The following FAM135B variants were observed in gnomAD, a reference collection of about 807,000 sequenced individuals.
FAM135B encodes protein FAM135B.
FAM135B carries 43 observed loss-of-function variants against 127.7 expected under a neutral mutation model. The observed-to-expected ratio is 0.34, with a 90% confidence interval of 0.26 to 0.43. The LOEUF is 0.43. FAM135B is among the 20% of genes least tolerant of loss of function. FAM135B has a pLI of 1.00. For missense variants in FAM135B, 1,558 were observed against 1,725.6 expected, an observed-to-expected ratio of 0.90 and a Z score of 1.72; for synonymous variants, 670 against 665.1, an observed-to-expected ratio of 1.01 and a Z score of -0.11.
chr8:138,180,081 G>T (rs951046221), intron 9 of FAM135B, among the ~76,000 whole-genome samples: 2 of 152,186 alleles, frequency 1.3e-5, no homozygotes, highest in African/African-American at 4.8e-5. Flanking sequence ...GGACAGAAAT[G>T]CTTTAGATAG....
intron 2 of FAM135B, among the ~76,000 whole-genome samples, chr8:138,315,421 A>C (rs189875038): frequency 6.6e-6 from 1 of 152,320 alleles, no homozygotes; most frequent in Non-Finnish European, 1.5e-5. Context: ...AGGTTACTCA[A>C]AAAAGTAAAA....
At chr8:138,237,026 C>T (rs1820331311) in intron 7 of FAM135B, among the ~76,000 whole-genome samples, 2 of 152,190 alleles carry the variant, frequency 1.3e-5, no homozygotes, top group African/African-American at 2.4e-5. Context: ...TGTCTTCCCA[C>T]CAGGCTGCCA....
At chr8:138,161,707 C>T (rs1202389203) in intron 12 of FAM135B, among the ~76,000 whole-genome samples, 2 of 152,232 alleles carry the variant, frequency 1.3e-5, no homozygotes, top group African/African-American at 2.4e-5. Context: ...TCTTCCTTAC[C>T]AGGGCGCATT....
chr8:138,179,361 G>A (rs888558280), intron 9 of FAM135B, among the ~76,000 whole-genome samples: 4 of 152,170 alleles, frequency 2.6e-5, no homozygotes, highest in African/African-American at 9.7e-5. Flanking sequence ...TATCTCCTAT[G>A]TGTAAGGTAG....
chr8:138,218,229 T>A (rs1818721954), intron 7 of FAM135B, among the ~76,000 whole-genome samples: 1 of 152,320 alleles, frequency 6.6e-6, no homozygotes, highest in Non-Finnish European at 1.5e-5. Context: ...ATAATTCTAC[T>A]TCTATTACTT....
intron 1 of FAM135B, among the ~76,000 whole-genome samples, chr8:138,381,579 T>G (rs1439389301): frequency 6.6e-6 from 1 of 152,124 alleles, no homozygotes; most frequent in African/African-American, 2.4e-5. Flanking sequence ...AGAATAGGTA[T>G]GGAATCACAT....
intron 2 of FAM135B, among the ~76,000 whole-genome samples, chr8:138,336,523 C>G (rs1173350661): frequency 6.6e-6 from 1 of 152,160 alleles, no homozygotes; most frequent in African/African-American, 2.4e-5. Flanking sequence ...TGGATACATT[C>G]CTCGACACAT....
chr8:138,407,220 AAGG>A (rs1458725618), intron 1 of FAM135B, among the ~76,000 whole-genome samples: 2 of 149,954 alleles, frequency 1.3e-5, no homozygotes, highest in Middle Eastern at 3.5e-3. Context: ...GGACCTCTTC[AAGG>A]AGAACTACAA....
chr8:138,147,188 C>T (rs1216057939), intron 14 of FAM135B, among the ~76,000 whole-genome samples: 1 of 151,384 alleles, frequency 6.6e-6, no homozygotes, highest in African/African-American at 2.4e-5. Flanking sequence ...TTATTCATTC[C>T]CTCTTTCATT....
At chr8:138,422,587 G>A (rs1834575546) in intron 1 of FAM135B, among the ~76,000 whole-genome samples, 1 of 151,984 alleles carries the variant, frequency 6.6e-6, no homozygotes, top group Non-Finnish European at 1.5e-5. Flanking sequence ...CAGTCAGAAT[G>A]GCTACAATTA....
intron 1 of FAM135B, among the ~76,000 whole-genome samples, chr8:138,474,025 C>T (rs926192921): frequency 6.6e-6 from 1 of 152,270 alleles, no homozygotes; most frequent in Admixed American, 6.5e-5. Flanking sequence ...TTTCATTTGA[C>T]TATATCAACG....
chr8:138,426,000 T>TATATAC (rs1834836436), intron 1 of FAM135B, among the ~76,000 whole-genome samples: 14 of 14,510 alleles, frequency 9.6e-4, no homozygotes, highest in African/African-American at 7.4e-3. Flanking sequence ...TATATATATA[T>TATATAC]ATATATATAT....
At chr8:138,182,327 G>T (rs1815126697) in intron 9 of FAM135B, among the ~76,000 whole-genome samples, 1 of 152,192 alleles carries the variant, frequency 6.6e-6, no homozygotes, top group African/African-American at 2.4e-5. Flanking sequence ...AGCTTGGAAG[G>T]GTTTTTTCCA....
At chr8:138,357,244 A>G (rs569385931) in intron 2 of FAM135B, among the ~76,000 whole-genome samples, 1 of 152,314 alleles carries the variant, frequency 6.6e-6, no homozygotes, top group East Asian at 1.9e-4. Flanking sequence ...AATGCTCTTA[A>G]ATGCATTATA....
chr8:138,365,564 T>C lies in FAM135B; in HGVS notation c.77+2343A>G, dbSNP rs188270942. Among the ~76,000 whole-genome samples the C allele has an allele frequency of 6.1e-4, 93 of 152,320 alleles. 1 individual carries two copies. Among genetic ancestry groups the C allele is most frequent in the African/African-American group, 2.2e-3 (92 of 41,556 alleles). On this transcript the variant is annotated intron_variant, in intron 2 of 19. Coordinates refer to ENST00000395297, the MANE Select transcript of FAM135B (RefSeq NM_015912.4). Reference sequence around the variant, plus strand: ...TATTGTTAGATAGATTAGCTTATCATCTTTAATTTTTACTGTGTGTATCAA... The same window carrying C: ...TATTGTTAGATAGATTAGCTTATCACCTTTAATTTTTACTGTGTGTATCAA...
At chr8:138,335,070 G>C (rs564249409) in intron 2 of FAM135B, among the ~76,000 whole-genome samples, 1 of 152,106 alleles carries the variant, frequency 6.6e-6, no homozygotes, top group Non-Finnish European at 1.5e-5. Context: ...GCATTTTCTA[G>C]TTTGTTTAAA....
At chr8:138,387,201 A>G (rs144843897) in intron 1 of FAM135B, among the ~76,000 whole-genome samples, 186 of 152,316 alleles carry the variant, frequency 1.2e-3, no homozygotes, top group African/African-American at 4.2e-3. Context: ...GCCAAGTACT[A>G]TGGAGTTGGC....
chr8:138,282,924 CAG>C (rs1373900120), intron 3 of FAM135B, among the ~76,000 whole-genome samples: 4 of 152,142 alleles, frequency 2.6e-5, no homozygotes, highest in Admixed American at 6.5e-5. Flanking sequence ...GTTTTTGAGA[CAG>C]AGTCTCACTC....
chr8:138,220,090 C>CAT (rs60002623), intron 7 of FAM135B, among the ~76,000 whole-genome samples: 1 of 151,754 alleles, frequency 6.6e-6, no homozygotes, highest in African/African-American at 2.4e-5. Context: ...CACACACACA[C>CAT]GTGCTCATGT....
Sources: gnomAD v4.1 joint callset for allele counts (sites outside exome capture counted in the v4.1 genomes callset) on GRCh38, gnomAD v4.1.1 for gene constraint, MANE v1.5 for transcripts, NCBI Gene and HGNC (gene_info 2026-07-23, HGNC 2026-07-21) for gene names.